Variants in C3orf20 observed in about 807,000 individuals in gnomAD.
C3orf20 encodes the protein uncharacterized protein C3orf20.
A neutral mutation model predicts 88.3 loss-of-function variants in C3orf20; 76 were observed. The observed-to-expected ratio is 0.86, with a 90% CI of 0.72 to 1.04. The LOEUF (loss-of-function observed/expected upper bound fraction) is 1.04, where lower values mean the gene tolerates loss of function less well. Among genes scored for constraint, C3orf20 ranks in the 50% least tolerant of loss-of-function variants. The pLI is 0.00. For synonymous variants in C3orf20, 436 were observed against 437.4 expected (o/e 1.00, Z 0.04); for missense variants, 1,056 against 1,123.3 (o/e 0.94, Z 0.86).
chr3:14,701,194 G>C lies in C3orf20; in HGVS notation c.746-1936G>C, dbSNP rs914284382. ...TCTGGTCCCTGTTGGCAGGAGAAGT[G>C]GGGGAAGTGACCAGGAACCACTCAG... On this transcript the variant is annotated intron_variant, in intron 5 of 16. Coordinates refer to ENST00000253697, the MANE Select transcript of C3orf20 (RefSeq NM_032137.5). This position sits in a 1 kb window ranked among gnomAD's most constrained non-coding sequence, Gnocchi z 4.6. 1.3e-5 allele frequency among the ~76,000 whole-genome samples: 2 copies of C among 152,108 alleles called. No homozygotes were observed. The highest frequency in any genetic ancestry group is 2.1e-4 in the South Asian group (1 of 4,830).
intron 12 of C3orf20, among the ~76,000 whole-genome samples, chr3:14,746,931 G>A (rs893650712): frequency 6.6e-6 from 1 of 152,140 alleles, no homozygotes; most frequent in Non-Finnish European, 1.5e-5. Flanking sequence ...ATTCAGTTTT[G>A]AACCAAGAGC....
In C3orf20 at chr3:14,712,172, A is replaced by ATG. The variant is rs1157704463; in HGVS notation, c.1161-1835_1161-1834insTG. Among the ~76,000 whole-genome samples, 51 of 77,680 alleles carry ATG rather than the reference A, an allele frequency of 6.6e-4. 1 individual carries two copies. Among genetic ancestry groups the ATG allele is most frequent in the South Asian group, 5.7e-3 (15 of 2,654 alleles). 51.0% of individuals were successfully genotyped at this position (77,680 alleles called of 152,430 possible). A position where few individuals can be genotyped will look rare whatever the true frequency, so the allele number is the denominator to read the frequency against. Reference sequence around the variant, plus strand: ...AAAACAGACACACACACGCACACACACGCGCGCGCGCACACACACACACAC... The same window carrying ATG: ...AAAACAGACACACACACGCACACACATGCGCGCGCGCGCACACACACACACAC... On this transcript the variant is annotated intron_variant, in intron 7 of 16. Transcript: ENST00000253697.
chr3:14,684,408 G>C, intron 4 of C3orf20, 26 bp downstream of exon 4: 1 of 1,607,880 alleles, frequency 6.2e-7, no homozygotes, highest in East Asian at 2.2e-5. Flanking sequence ...TCAACCCTTA[G>C]GTAAGAAGTG....
chr3:14,724,147 A>C (rs1276292529), intron 10 of C3orf20, among the ~76,000 whole-genome samples: 1 of 152,192 alleles, frequency 6.6e-6, no homozygotes, highest in Non-Finnish European at 1.5e-5. Context: ...GTGATTAAGT[A>C]TGCACTGGCT....
At chr3:14,692,089 G>A (rs2032761891) in intron 5 of C3orf20, among the ~76,000 whole-genome samples, 2 of 151,960 alleles carry the variant, frequency 1.3e-5, no homozygotes, top group South Asian at 2.1e-4. Flanking sequence ...TCTTTTTATG[G>A]CTGACTAGTA....
chr3:14,757,646 A>G lies in C3orf20; in HGVS notation c.2216A>G (p.Gln739Arg), dbSNP rs2035418135. The change falls in exon 13 of 17, where the codon CAG becomes CGG. Residue 739 changes from glutamine to arginine, a missense_variant. By Grantham distance (43) the Gln-to-Arg change is conservative. Transcript: ENST00000253697. ...WLLNTLYNHQ[Q>R]RGRGSPCIQC... Reference sequence around the variant, plus strand: ...CTGAACACTCTCTACAACCACCAGCAGCGGGGCCGTGGCTCCCCCTGCATC... The same window carrying G: ...CTGAACACTCTCTACAACCACCAGCGGCGGGGCCGTGGCTCCCCCTGCATC... 1 of 1,610,978 alleles carries G rather than the reference A, an allele frequency of 6.2e-7. No individual in the cohort carries two copies. Among genetic ancestry groups the G allele is most frequent in the Admixed American group, 1.7e-5 (1 of 59,984 alleles).
intron 13 of C3orf20, 61 bp downstream of exon 13, chr3:14,757,735 G>A (rs2035422519): frequency 2.1e-5 from 32 of 1,489,246 alleles, no homozygotes; most frequent in Middle Eastern, 2.0e-4. Context: ...GGGGCAGTCC[G>A]AGAAAACCCC....
At chr3:14,750,415 G>GAGT (rs2035185550) in intron 12 of C3orf20, among the ~76,000 whole-genome samples, 1 of 152,116 alleles carries the variant, frequency 6.6e-6, no homozygotes, top group South Asian at 2.1e-4. Flanking sequence ...AAACAGCCAG[G>GAGT]AGTAGTATCA....
chr3:14,684,141 C>T (rs1319601886), intron 3 of C3orf20, 101 bp from the exon 4 acceptor site: 1 of 1,493,598 alleles, frequency 6.7e-7, no homozygotes, highest in African/African-American at 1.4e-5. Context: ...GAATAGCGCT[C>T]TACTCTACCC....
intron 4 of C3orf20, among the ~76,000 whole-genome samples, chr3:14,687,151 A>T (rs2032478976): frequency 6.6e-6 from 1 of 152,206 alleles, no homozygotes; most frequent in Non-Finnish European, 1.5e-5. Flanking sequence ...ATAATTTTGC[A>T]AAAGGAAAAC....
chr3:14,696,903 T>C (rs1487575128), intron 5 of C3orf20, among the ~76,000 whole-genome samples: 1 of 152,032 alleles, frequency 6.6e-6, no homozygotes, highest in Non-Finnish European at 1.5e-5. Flanking sequence ...TCTAGGAAAG[T>C]CTTTATTTCT....
At position 14,760,127 on chromosome 3, in the gene C3orf20, C is replaced by T. The variant is rs562725015; in HGVS notation, c.2352+129C>T. 87 of 731,658 alleles carry T rather than the reference C, an allele frequency of 1.2e-4. No individual in the cohort carries two copies. In the East Asian group the frequency reaches 2.3e-3, roughly 19 times the overall value. The allele number at this position is 731,658 out of a possible 1,614,324, so 45.3% of individuals were successfully genotyped here. ...AGGGAGGGGCTGCGGAATTATCTCCCCACCGTGGCTGAGGCCCAGAGAGCA... is the reference window on the plus strand; with the variant it reads ...AGGGAGGGGCTGCGGAATTATCTCCTCACCGTGGCTGAGGCCCAGAGAGCA... On this transcript the variant is annotated intron_variant, in intron 14 of 16. Transcript: ENST00000253697.
In C3orf20 at chr3:14,742,097, A is replaced by G. The variant is rs559795402; in HGVS notation, c.1940+13409A>G. ...GCAAGAGTGGAAGCAAACTAGTTAG[A>G]AGACTGTTTTAGTAATCTATTAAGT... On this transcript the variant is annotated intron_variant, in intron 12 of 16. Coordinates refer to ENST00000253697, the MANE Select transcript of C3orf20 (RefSeq NM_032137.5). 2.6e-5 allele frequency among the ~76,000 whole-genome samples: 4 copies of G among 152,324 alleles called. No homozygotes were observed. In the East Asian group the frequency reaches 7.7e-4, roughly 29 times the overall value.
At chr3:14,679,418 C>T (rs2124875666) in intron 1 of C3orf20, among the ~76,000 whole-genome samples, 1 of 152,292 alleles carries the variant, frequency 6.6e-6, no homozygotes, top group South Asian at 2.1e-4. Context: ...AATAAAGTGG[C>T]TTAAAGGCAT....
intron 9 of C3orf20, 86 bp from the exon 10 acceptor site, chr3:14,721,567 G>C: frequency 5.2e-6 from 8 of 1,543,202 alleles, no homozygotes; most frequent in Non-Finnish European, 7.0e-6. Flanking sequence ...AAGCCAACAG[G>C]GGCTTTGTGC....
intron 7 of C3orf20, 88 bp from the exon 8 acceptor site, chr3:14,713,919 A>G: frequency 1.4e-6 from 2 of 1,442,872 alleles, no homozygotes; most frequent in South Asian, 2.5e-5. Context: ...AATAGCTAAC[A>G]CTTTGACATG....
rs1018848655 is a variant in C3orf20 at position 14,772,650 on chromosome 3, G to C, written c.2631-141G>C. On this transcript the variant is annotated intron_variant, in intron 16 of 16. Transcript: ENST00000253697. The surrounding 1 kb of genome is among the most constrained non-coding windows in gnomAD (Gnocchi z 4.2). ...GTAGAAAGGTCGCAGGTGCCACCGG[G>C]GCCCTCTGGTTGGAACAGCACCCAA... is the stretch of plus-strand genomic sequence containing the variant. 5 of 645,814 alleles carry C rather than the reference G, an allele frequency of 7.7e-6. No individual in the cohort carries two copies. In the African/African-American group the frequency reaches 9.2e-5, roughly 12 times the overall value. 40.0% of individuals were successfully genotyped at this position (645,814 alleles called of 1,614,324 possible). A position where few individuals can be genotyped will look rare whatever the true frequency, so the allele number is the denominator to read the frequency against.
At chr3:14,684,216 C>T (rs374853376) in intron 3 of C3orf20, 26 bp from the exon 4 acceptor site, 38 of 1,612,284 alleles carry the variant, frequency 2.4e-5, no homozygotes, top group Non-Finnish European at 3.1e-5. Context: ...AGGAGGGACA[C>T]GTGTTGCTTT....
rs529752350 is a variant in C3orf20, at chr3:14,740,049, G to A, written c.1940+11361G>A. Among the ~76,000 whole-genome samples, 72 of 152,314 alleles carry A rather than the reference G, an allele frequency of 4.7e-4. No individual in the cohort carries two copies. In the South Asian group the frequency reaches 0.013, roughly 28 times the overall value. On this transcript the variant is annotated intron_variant, in intron 12 of 16. Coordinates refer to ENST00000253697, the MANE Select transcript of C3orf20 (RefSeq NM_032137.5). ...TCTTATTTGTGCATTCATTGGAGTA[G>A]CACTTTTAATTTCCTTCATGAACTT...
Sources: gnomAD v4.1 joint callset for allele counts (sites outside exome capture counted in the v4.1 genomes callset) on GRCh38, gnomAD v4.1.1 for gene constraint, Gnocchi (gnomAD v3.1) non-coding constraint, MANE v1.5 for transcripts, NCBI Gene and HGNC (gene_info 2026-07-23, HGNC 2026-07-21) for gene names.